EPHA4: variants seen among roughly 807,000 people sequenced by gnomAD.
The protein encoded by EPHA4 is ephrin type-A receptor 4.
In EPHA4, 19 loss-of-function variants were observed where a neutral mutation model predicts 108.3. That is an observed-to-expected ratio of 0.18 (90% confidence interval 0.12 to 0.26). The LOEUF (loss-of-function observed/expected upper bound fraction) is 0.26, where lower values mean the gene tolerates loss of function less well. EPHA4 is among the 10% of genes least tolerant of loss of function. The pLI, the probability that EPHA4 is intolerant of heterozygous loss-of-function variation, is 1.00. For synonymous variants in EPHA4, 449 were observed against 455.5 expected, an observed-to-expected ratio of 0.99 and a Z score of 0.18; for missense variants, 917 against 1,254.0, an observed-to-expected ratio of 0.73 and a Z score of 4.06.
intron 4 of EPHA4, among the ~76,000 whole-genome samples, chr2:221,498,788 T>TC (rs1292486816): frequency 7.5e-6 from 1 of 133,126 alleles, no homozygotes; most frequent in East Asian, 2.6e-4. Context: ...TATTTTTTTT[T>TC]TCTTTTTTTT....
intron 4 of EPHA4, among the ~76,000 whole-genome samples, chr2:221,484,793 T>C (rs1691934012): frequency 6.6e-6 from 1 of 152,210 alleles, no homozygotes; most frequent in African/African-American, 2.4e-5. Context: ...GTGACAGAAT[T>C]TGACTGAAAT....
chr2:221,455,807 CTCCT>C, intron 7 of EPHA4, 149 bp from the exon 8 acceptor site: 1 of 633,250 alleles, frequency 1.6e-6, no homozygotes, highest in East Asian at 2.7e-5. Flanking sequence ...TTGAATGTAC[CTCCT>C]TCCCCGAGAG....
rs529352087 is a variant in EPHA4 at position 221,469,623 on chromosome 2, T to G, written c.1319-11633A>C. Among the ~76,000 whole-genome samples, 14 of 152,334 alleles carry G rather than the reference T, an allele frequency of 9.2e-5. 1 individual carries two copies. In the South Asian group the frequency reaches 2.9e-3, roughly 32 times the overall value. On this transcript the variant is annotated intron_variant, in intron 5 of 17. Coordinates refer to ENST00000281821, the MANE Select transcript of EPHA4 (RefSeq NM_004438.5). ...TCCGTCTTCATCACTATCTCAGTGA[T>G]GGTCCACTGTCTTCCAAGTTGAAAG...
chr2:221,545,240 TGGGCGGATCACGAGGTCG>T (rs1290925534), intron 3 of EPHA4, among the ~76,000 whole-genome samples: 1 of 61,498 alleles, frequency 1.6e-5, no homozygotes. Flanking sequence ...GAGGTCGAGG[TGGGCGGATCACGAGGTCG>T]GGAGATCGAG....
At chr2:221,535,396 T>C (rs2710499) in intron 3 of EPHA4, among the ~76,000 whole-genome samples, 89,811 of 152,060 alleles carry the variant, frequency 0.59, 27,841 homozygotes, top group African/African-American at 0.79. Context: ...AGAAAGCACT[T>C]ACCTTCCACT....
At position 221,482,710 on chromosome 2, in the gene EPHA4, T is replaced by C; in HGVS notation, c.980-20A>G. The C allele has an allele frequency of 6.4e-7, 1 of 1,563,562 alleles. No individual in the cohort carries two copies. The highest frequency in any genetic ancestry group is 8.7e-7 in the Non-Finnish European group (1 of 1,149,000). On this transcript the variant is annotated intron_variant, in intron 4 of 17. Coordinates refer to ENST00000281821, the MANE Select transcript of EPHA4 (RefSeq NM_004438.5). ...GTGGACCTGGAGAAAGAAAACCACATCATCACACCAAGAACCGAAATACCC... is the reference window on the plus strand; with the variant it reads ...GTGGACCTGGAGAAAGAAAACCACACCATCACACCAAGAACCGAAATACCC...
At chr2:221,444,769 T>C (rs1690540733) in intron 9 of EPHA4, among the ~76,000 whole-genome samples, 1 of 108,424 alleles carries the variant, frequency 9.2e-6, no homozygotes, top group Non-Finnish European at 1.8e-5. Flanking sequence ...TTTTTTTTTT[T>C]TTTCTGGAGA....
intron 5 of EPHA4, among the ~76,000 whole-genome samples, chr2:221,460,498 G>A (rs1349245641): frequency 6.6e-6 from 1 of 152,158 alleles, no homozygotes; most frequent in Non-Finnish European, 1.5e-5. Context: ...AGGGCACAAT[G>A]ACACAAGCAA....
upstream of EPHA4, chr2:221,572,343 G>T: frequency 8.7e-7 from 1 of 1,146,554 alleles, no homozygotes. Flanking sequence ...TTGCCAAGGG[G>T]GCGGGCCCGG....
intron 4 of EPHA4, among the ~76,000 whole-genome samples, chr2:221,498,067 G>A (rs1355469619): frequency 2.0e-5 from 3 of 152,144 alleles, no homozygotes; most frequent in Non-Finnish European, 1.5e-5. Flanking sequence ...AAATGTTCCA[G>A]CAACACAGAC....
At chr2:221,448,745 T>G (rs1690677376) in intron 8 of EPHA4, among the ~76,000 whole-genome samples, 3 of 152,148 alleles carry the variant, frequency 2.0e-5, no homozygotes, top group African/African-American at 7.2e-5. Context: ...TTTAAACCAC[T>G]TAAGATCTCG....
chr2:221,479,081 C>A (rs1014779956), intron 5 of EPHA4, among the ~76,000 whole-genome samples: 4 of 152,198 alleles, frequency 2.6e-5, no homozygotes, highest in Admixed American at 6.5e-5. Flanking sequence ...ATTAAATGAT[C>A]AAAGCCCAGT....
intron 3 of EPHA4, among the ~76,000 whole-genome samples, chr2:221,518,341 G>A (rs1157013835): frequency 2.0e-5 from 3 of 152,212 alleles, no homozygotes; most frequent in Middle Eastern, 3.4e-3. Context: ...CCTAGACCCC[G>A]CTCTTTACCC....
intron 3 of EPHA4, among the ~76,000 whole-genome samples, chr2:221,561,238 T>A (rs931328096): frequency 6.7e-6 from 1 of 149,760 alleles, no homozygotes; most frequent in Non-Finnish European, 1.5e-5. Flanking sequence ...CTAGACTCCA[T>A]CTCAAAATAA....
At chr2:221,492,690 G>A (rs72963175) in intron 4 of EPHA4, among the ~76,000 whole-genome samples, 25 of 152,180 alleles carry the variant, frequency 1.6e-4, no homozygotes, top group African/African-American at 3.6e-4. Context: ...AGCAGCATAC[G>A]TTGACGGCTG....
At chr2:221,434,413 A>G in intron 13 of EPHA4, 122 bp from the exon 14 acceptor site, 1 of 985,168 alleles carries the variant, frequency 1.0e-6, no homozygotes, top group Non-Finnish European at 1.5e-6. Context: ...CTCTCAAAAC[A>G]ATAAGACACT....
At chr2:221,466,818 A>T (rs1691326973) in intron 5 of EPHA4, among the ~76,000 whole-genome samples, 1 of 152,206 alleles carries the variant, frequency 6.6e-6, no homozygotes, top group Non-Finnish European at 1.5e-5. Context: ...GTCATAATTC[A>T]AAAATCTGGT....
At position 221,437,215 on chromosome 2, in the gene EPHA4, C is replaced by T. The variant is rs553746350; in HGVS notation, c.2075-93G>A. 150 of 888,524 alleles carry T rather than the reference C, an allele frequency of 1.7e-4. 2 individuals are homozygous for T. The South Asian group carries it at 2.1e-3, about 12-fold the overall frequency. 55.0% of individuals were successfully genotyped at this position (888,524 alleles called of 1,614,324 possible). A position where few individuals can be genotyped will look rare whatever the true frequency, so the allele number is the denominator to read the frequency against. On this transcript the variant is annotated intron_variant, in intron 11 of 17. Transcript: ENST00000281821. Reference sequence around the variant, plus strand: ...TGCGCACAATTTTACTGCCAAGATACCTGTCTTGTGTGATCTAATTTAATT... The same window carrying T: ...TGCGCACAATTTTACTGCCAAGATATCTGTCTTGTGTGATCTAATTTAATT...
chr2:221,445,027 G>A (rs773187165), intron 9 of EPHA4, among the ~76,000 whole-genome samples: 2 of 151,992 alleles, frequency 1.3e-5, no homozygotes, highest in East Asian at 3.9e-4. Context: ...CAAAGTGCTA[G>A]GATTACAGGC....
Sources: gnomAD v4.1 joint callset for allele counts (sites outside exome capture counted in the v4.1 genomes callset) on GRCh38, gnomAD v4.1.1 for gene constraint, MANE v1.5 for transcripts, NCBI Gene and HGNC (gene_info 2026-07-23, HGNC 2026-07-21) for gene names.